Variants in TEKT1 observed in about 807,000 individuals in gnomAD.
The protein encoded by TEKT1 is tektin 1, also known as tektin-1.
TEKT1 carries 32 observed loss-of-function variants against 34.8 expected under a neutral mutation model. The observed-to-expected ratio is 0.92, with a 90% confidence interval of 0.69 to 1.23. The LOEUF (loss-of-function observed/expected upper bound fraction) is 1.23, where lower values mean the gene tolerates loss of function less well. TEKT1 is among the 50% of genes most tolerant of loss of function. The probability of loss-of-function intolerance (pLI) is 0.00; values close to 1 mark genes in which losing one functional copy is unlikely to be tolerated. For synonymous variants in TEKT1, 207 were observed against 199.8 expected, an observed-to-expected ratio of 1.04 and a Z score of -0.30; for missense variants, 492 against 518.5, an observed-to-expected ratio of 0.95 and a Z score of 0.50.
intron 6 of TEKT1, 95 bp from the exon 7 acceptor site, chr17:6,801,038 A>G (rs1456812821): frequency 2.5e-6 from 3 of 1,185,880 alleles, no homozygotes; most frequent in African/African-American, 3.1e-5. Flanking sequence ...AGTTAGGAAG[A>G]GGGAACCTCA....
intron 6 of TEKT1, among the ~76,000 whole-genome samples, chr17:6,810,231 G>A (rs1976908775): frequency 6.6e-6 from 1 of 152,216 alleles, no homozygotes; most frequent in Non-Finnish European, 1.5e-5. Flanking sequence ...ATAGGATGTT[G>A]AGCATCTTTT....
chr17:6,820,945 T>C (rs750256652), intron 2 of TEKT1, among the ~76,000 whole-genome samples: 1 of 152,240 alleles, frequency 6.6e-6, no homozygotes, highest in African/African-American at 2.4e-5. Flanking sequence ...TATTTGGCTG[T>C]GCCCTGAGTT....
rs1976924263 is a variant in TEKT1 at position 6,811,293 on chromosome 17, T to C, written c.852+1538A>G. ...TTATATGTATGATATTATATGTTAA[T>C]CATATATGCAAAATGTGTGTGTGTG... On this transcript the variant is annotated intron_variant, in intron 6 of 7. Transcript: ENST00000338694. The surrounding 1 kb of genome is among the most constrained non-coding windows in gnomAD (Gnocchi z 4.4). Among the ~76,000 whole-genome samples the C allele has an allele frequency of 7.2e-6, 1 of 139,738 alleles. No individual in the cohort carries two copies. Among genetic ancestry groups the C allele is most frequent in the African/African-American group, 2.8e-5 (1 of 35,230 alleles). The allele number at this position is 139,738 out of a possible 152,430, so 91.7% of individuals were successfully genotyped here. A position where few individuals can be genotyped will look rare whatever the true frequency, so the allele number is the denominator to read the frequency against.
At chr17:6,822,091 C>T (rs945631602) in intron 2 of TEKT1, among the ~76,000 whole-genome samples, 1 of 152,124 alleles carries the variant, frequency 6.6e-6, no homozygotes, top group Non-Finnish European at 1.5e-5. Context: ...ACCAAGAGGC[C>T]TAGGAGAAAA....
chr17:6,812,895 G>T lies in TEKT1; in HGVS notation c.788C>A (p.Ala263Glu). Reference sequence around the variant, plus strand: ...TGTATCCTTCAGCCCATTCTTGAATGCCGTGTCCACCACATCACACTGCTT... The same window carrying T: ...TGTATCCTTCAGCCCATTCTTGAATTCCGTGTCCACCACATCACACTGCTT... ...LRKQCDVVDT[A>E]FKNGLKDTKD... The change falls in exon 6 of 8, where the codon GCA becomes GAA. Residue 263 changes from alanine (A) to glutamate (E), a missense_variant. Physicochemically the swap from Ala to Glu is moderately radical, Grantham distance 107 (BLOSUM62 -1). Transcript: ENST00000338694. The T allele has an allele frequency of 9.9e-6, 16 of 1,614,184 alleles. No homozygotes were observed. Among genetic ancestry groups the T allele is most frequent in the Non-Finnish European group, 1.4e-5 (16 of 1,180,042 alleles).
intron 6 of TEKT1, among the ~76,000 whole-genome samples, chr17:6,803,305 T>C (rs1034651668): frequency 1.4e-4 from 22 of 152,196 alleles, no homozygotes; most frequent in Non-Finnish European, 2.6e-4. Context: ...TTAATGGGGT[T>C]GTTTGTTTTT....
At chr17:6,828,104 C>T (rs11867340) in intron 2 of TEKT1, among the ~76,000 whole-genome samples, 1,899 of 152,118 alleles carry the variant, frequency 0.012, 32 homozygotes, top group African/African-American at 0.043. Context: ...GCCACCATGC[C>T]CCACTAATTT....
In TEKT1 at chr17:6,800,093, G is replaced by C; in HGVS notation, c.1191C>G (p.Ile397Met). The change falls in exon 8 of 8, where the codon ATC becomes ATG. Residue 397 changes from isoleucine (I) to methionine (M), a missense_variant. Transcript: ENST00000338694. The part of the protein sequence containing the change: ...EVLCMQMRKS[I>M]PLRDGEDHGV... ...CATGGTCTTCCCCATCCCGAAGTGG[G>C]ATGGATTTCCTCATCTGCATACACA... 6.2e-7 allele frequency: 1 copy of C among 1,613,752 alleles called. No homozygotes were observed. Among genetic ancestry groups the C allele is most frequent in the Non-Finnish European group, 8.5e-7 (1 of 1,180,046 alleles).
rs536755753 is a variant in TEKT1 at position 6,829,467 on chromosome 17, CTCTT to C, written c.190+716_190+719del. 3.5e-4 allele frequency among the ~76,000 whole-genome samples: 53 copies of C among 151,082 alleles called. 1 individual carries two copies. The highest frequency in any genetic ancestry group is 1.6e-3 in the East Asian group (8 of 5,146). On this transcript the variant is annotated intron_variant, in intron 2 of 7. Transcript: ENST00000338694. Reference sequence around the variant, plus strand: ...CTTTCCTTTTCTCTTTCTTTTCTTTCTCTTTCTTTCTTTCTTTCTCTCTTTCATT... The same window carrying C: ...CTTTCCTTTTCTCTTTCTTTTCTTTCTCTTTCTTTCTTTCTCTCTTTCATT...
intron 2 of TEKT1, among the ~76,000 whole-genome samples, chr17:6,823,587 A>G (rs1464556853): frequency 6.6e-6 from 1 of 152,172 alleles, no homozygotes; most frequent in Non-Finnish European, 1.5e-5. Flanking sequence ...AGACAAATGC[A>G]TGTGCTTAAT....
chr17:6,828,133 AC>A (rs1200009854), intron 2 of TEKT1, among the ~76,000 whole-genome samples: 1 of 152,058 alleles, frequency 6.6e-6, no homozygotes, highest in Non-Finnish European at 1.5e-5. Flanking sequence ...TTTAGTAAAG[AC>A]AGGGTTTCAC....
rs146127077 is a variant in TEKT1 at position 6,811,782 on chromosome 17, C to T, written c.852+1049G>A. 5.9e-3 allele frequency among the ~76,000 whole-genome samples: 902 copies of T among 152,248 alleles called. 9 individuals carry two copies. Among genetic ancestry groups the T allele is most frequent in the African/African-American group, 0.02 (848 of 41,542 alleles). On this transcript the variant is annotated intron_variant, in intron 6 of 7. Coordinates refer to ENST00000338694, the MANE Select transcript of TEKT1 (RefSeq NM_053285.2). The surrounding 1 kb of genome is among the most constrained non-coding windows in gnomAD (Gnocchi z 4.4). ...TGTTTCAGCTTCACCAGCAGTAAAGCGTAGGGTGGGCTGACAGTGGCCTGC... is the reference window on the plus strand; with the variant it reads ...TGTTTCAGCTTCACCAGCAGTAAAGTGTAGGGTGGGCTGACAGTGGCCTGC...
chr17:6,830,184 T>C lies in TEKT1; in HGVS notation c.190+3A>G, dbSNP rs376635286. 1.4e-5 allele frequency: 23 copies of C among 1,607,752 alleles called. No homozygotes were observed. The highest frequency in any genetic ancestry group is 1.9e-5 in the Non-Finnish European group (22 of 1,178,786). ...CACGAATATGCCAAGCATGTTGTCT[T>C]ACCTAGTTTCTTGTTCACATCGCTT... On this transcript the variant is annotated splice_donor_region_variant and intron_variant, in intron 2 of 7. Transcript: ENST00000338694.
chr17:6,799,678 C>T lies in TEKT1; in HGVS notation c.*349G>A, dbSNP rs1976739381. On this transcript the variant is annotated 3_prime_UTR_variant, in exon 8 of 8. Transcript: ENST00000338694. ...TGAGAGCCAAGAGAAAGGTTAGCAT[C>T]CCATCTCATGAGCAAGAGGGGCATG... The T allele has an allele frequency of 5.5e-6, 1 of 182,922 alleles. No homozygotes were observed. 11.3% of individuals were successfully genotyped at this position (182,922 alleles called of 1,614,324 possible).
chr17:6,830,219 C>G lies in TEKT1; in HGVS notation c.158G>C (p.Arg53Thr), dbSNP rs1451256743. The change falls in exon 2 of 8, where the codon AGA (arginine) becomes ACA (threonine). Residue 53 changes from arginine (R) to threonine (T), a missense_variant. By Grantham distance (71) the Arg-to-Thr change is moderately conservative. Coordinates refer to ENST00000338694, the MANE Select transcript of TEKT1 (RefSeq NM_053285.2). ...RLVDEIEKTT[R>T]KSQSDVNKKL... ...CTTGTTCACATCGCTTTGAGATTTT[C>G]TTGTGGTCTTTTCAATTTCATCCAC... 4 of 1,610,032 alleles carry G rather than the reference C, an allele frequency of 2.5e-6. No homozygotes were observed. Among genetic ancestry groups the G allele is most frequent in the Non-Finnish European group, 3.4e-6 (4 of 1,179,192 alleles).
At chr17:6,815,070 C>T (rs1976984801) in intron 5 of TEKT1, 93 bp downstream of exon 5, 1 of 1,494,792 alleles carries the variant, frequency 6.7e-7, no homozygotes, top group Non-Finnish European at 9.0e-7. Flanking sequence ...CACTTCCAAG[C>T]TCTCAGCCAG....
chr17:6,812,560 C>T (rs555501454), intron 6 of TEKT1, among the ~76,000 whole-genome samples: 7 of 152,290 alleles, frequency 4.6e-5, no homozygotes, highest in East Asian at 1.9e-4. Context: ...CTAAGCCTCC[C>T]GTCTCCTGCC....
At chr17:6,810,921 G>A (rs961120170) in intron 6 of TEKT1, among the ~76,000 whole-genome samples, 2 of 152,114 alleles carry the variant, frequency 1.3e-5, no homozygotes, top group African/African-American at 4.8e-5. Context: ...TGTATTTTTA[G>A]TAGAGACAGG....
At chr17:6,828,714 C>A (rs1055184860) in intron 2 of TEKT1, among the ~76,000 whole-genome samples, 23 of 151,964 alleles carry the variant, frequency 1.5e-4, no homozygotes, top group Admixed American at 1.4e-3. Flanking sequence ...AGTTGGTTAC[C>A]CCTGGTTAAT....
Sources: gnomAD v4.1 joint callset for allele counts (sites outside exome capture counted in the v4.1 genomes callset) on GRCh38, gnomAD v4.1.1 for gene constraint, Gnocchi (gnomAD v3.1) non-coding constraint, MANE v1.5 for transcripts, NCBI Gene and HGNC (gene_info 2026-07-23, HGNC 2026-07-21) for gene names.